Variants in CDH12 observed in about 807,000 individuals in gnomAD.
CDH12 encodes cadherin 12.
Under a neutral mutation model 74.1 loss-of-function variants are expected in CDH12, and 41 were observed. That is an observed-to-expected ratio of 0.55 (90% CI 0.43 to 0.72). CDH12 has a LOEUF of 0.72. Ranked by LOEUF, CDH12 falls within the 30% of genes least tolerant of loss-of-function variation. The pLI, the probability that CDH12 is intolerant of heterozygous loss-of-function variation, is 0.00. For synonymous variants in CDH12, 399 were observed against 355.0 expected, an observed-to-expected ratio of 1.12 and a Z score of -1.39; for missense variants, 945 against 977.2, an observed-to-expected ratio of 0.97 and a Z score of 0.44.
intron 5 of CDH12, among the ~76,000 whole-genome samples, chr5:22,069,671 C>T (rs1741809069): frequency 6.6e-6 from 1 of 152,120 alleles, no homozygotes; most frequent in Admixed American, 6.6e-5. Flanking sequence ...TCCCCTAAAT[C>T]AACAGGTAAG....
chr5:22,713,210 G>A (rs1398264191), intron 1 of CDH12, among the ~76,000 whole-genome samples: 1 of 136,856 alleles, frequency 7.3e-6, no homozygotes, highest in Non-Finnish European at 1.5e-5. Context: ...GTACGATCTC[G>A]GCTCACTGCA....
intron 2 of CDH12, among the ~76,000 whole-genome samples, chr5:22,451,385 G>A (rs1246493846): frequency 6.6e-6 from 1 of 151,818 alleles, no homozygotes; most frequent in Non-Finnish European, 1.5e-5. Context: ...GACCAACCAA[G>A]ATTCATCCCA....
chr5:22,491,335 A>C (rs1746853765), intron 2 of CDH12, among the ~76,000 whole-genome samples: 1 of 152,184 alleles, frequency 6.6e-6, no homozygotes, highest in Admixed American at 6.5e-5. Context: ...TTGCAACTGG[A>C]GGCTGTTATC....
chr5:22,255,948 T>C (rs1252308371), intron 3 of CDH12, among the ~76,000 whole-genome samples: 1 of 152,032 alleles, frequency 6.6e-6, no homozygotes, highest in Non-Finnish European at 1.5e-5. Context: ...GAAATGAATT[T>C]AACCTTTATT....
chr5:22,744,953 T>G (rs1745217959), intron 1 of CDH12, among the ~76,000 whole-genome samples: 1 of 151,874 alleles, frequency 6.6e-6, no homozygotes, highest in African/African-American at 2.4e-5. Flanking sequence ...TATATCTATG[T>G]AGAAAACTTA....
chr5:22,330,325 C>G (rs915096274), intron 3 of CDH12, among the ~76,000 whole-genome samples: 16 of 151,982 alleles, frequency 1.1e-4, no homozygotes, highest in African/African-American at 2.7e-4. Context: ...ACTAAAGAAC[C>G]CTTGGGCCCT....
intron 1 of CDH12, among the ~76,000 whole-genome samples, chr5:22,726,187 C>T (rs1355673031): frequency 2.6e-5 from 4 of 151,750 alleles, no homozygotes; most frequent in African/African-American, 7.2e-5. Flanking sequence ...ATGCTCTGTT[C>T]TCCATGTATT....
intron 4 of CDH12, among the ~76,000 whole-genome samples, chr5:22,092,669 T>C (rs1388909333): frequency 6.6e-6 from 1 of 152,138 alleles, no homozygotes; most frequent in Non-Finnish European, 1.5e-5. Flanking sequence ...GTGGAGCTTT[T>C]TTGGATATTA....
chr5:21,862,004 ACTTAT>A (rs1751072432), intron 6 of CDH12, among the ~76,000 whole-genome samples: 2 of 151,062 alleles, frequency 1.3e-5, no homozygotes, highest in South Asian at 2.1e-4. Flanking sequence ...TAATTTACTA[ACTTAT>A]CTTTATTTGG....
At chr5:22,760,687 A>C (rs1354613005) in intron 1 of CDH12, among the ~76,000 whole-genome samples, 2 of 151,044 alleles carry the variant, frequency 1.3e-5, no homozygotes, top group Admixed American at 6.6e-5. Flanking sequence ...TCAAAAAAAA[A>C]AAAAAAAAAA....
In CDH12 at chr5:21,951,286, T is replaced by A. The variant is rs150292300; in HGVS notation, c.526+23805A>T. ...TATTTTTAGGCGGAGTCTCACTCTG[T>A]TCGCCAAGCTGGAGTGCAGTGGTGC... On this transcript the variant is annotated intron_variant, in intron 6 of 14. Transcript: ENST00000382254. Among the ~76,000 whole-genome samples the A allele has an allele frequency of 4.9e-3, 751 of 152,290 alleles. 3 individuals carry two copies. Among genetic ancestry groups the A allele is most frequent in the African/African-American group, 0.017 (726 of 41,572 alleles).
rs114990942 is a variant in CDH12 at position 21,896,845 on chromosome 5, T to C, written c.527-42055A>G. Among the ~76,000 whole-genome samples the C allele has an allele frequency of 7.7e-3, 1,173 of 152,320 alleles. 12 individuals carry two copies. Among genetic ancestry groups the C allele is most frequent in the African/African-American group, 0.027 (1,125 of 41,562 alleles). ...GCTTATCCCTCTTGAGTTTATTGGC[T>C]TATTTATTCTTATCAGTATAATTTG... On this transcript the variant is annotated intron_variant, in intron 6 of 14. Transcript: ENST00000382254.
At chr5:22,342,371 A>G (rs1287928676) in intron 3 of CDH12, among the ~76,000 whole-genome samples, 1 of 152,220 alleles carries the variant, frequency 6.6e-6, no homozygotes, top group Non-Finnish European at 1.5e-5. Flanking sequence ...AGATTTGAGG[A>G]GAATTATTAA....
At chr5:21,920,528 G>T (rs114438736) in intron 6 of CDH12, among the ~76,000 whole-genome samples, 4,668 of 152,120 alleles carry the variant, frequency 0.031, 213 homozygotes, top group African/African-American at 0.094. Flanking sequence ...GGGCCTGTCA[G>T]GGTGTGGGGG....
intron 6 of CDH12, among the ~76,000 whole-genome samples, chr5:21,943,110 G>C (rs1408716985): frequency 6.6e-6 from 1 of 152,076 alleles, no homozygotes; most frequent in Non-Finnish European, 1.5e-5. Context: ...TGTAAGACGT[G>C]CCTGTTTCCC....
intron 3 of CDH12, among the ~76,000 whole-genome samples, chr5:22,230,950 C>T (rs975001017): frequency 6.6e-6 from 1 of 152,164 alleles, no homozygotes; most frequent in African/African-American, 2.4e-5. Flanking sequence ...AACATGGTCA[C>T]ATTAGGGTGT....
At chr5:22,705,124 TATATATAC>T (rs945672995) in intron 1 of CDH12, among the ~76,000 whole-genome samples, 3 of 95,752 alleles carry the variant, frequency 3.1e-5, no homozygotes, top group African/African-American at 1.4e-4. Flanking sequence ...GTCATATATA[TATATATAC>T]ACACACACAC....
intron 3 of CDH12, among the ~76,000 whole-genome samples, chr5:22,349,743 C>CT (rs902846577): frequency 6.6e-5 from 10 of 151,690 alleles, no homozygotes; most frequent in Admixed American, 1.3e-4. Context: ...TTTAGCTAAT[C>CT]TTTTTTTTTG....
intron 1 of CDH12, among the ~76,000 whole-genome samples, chr5:22,766,579 C>A (rs912379673): frequency 1.3e-5 from 2 of 151,984 alleles, no homozygotes; most frequent in African/African-American, 2.4e-5. Flanking sequence ...GAAAAAGAGA[C>A]CCTGGAACAG....
Sources: gnomAD v4.1 joint callset for allele counts (sites outside exome capture counted in the v4.1 genomes callset) on GRCh38, gnomAD v4.1.1 for gene constraint, MANE v1.5 for transcripts, NCBI Gene and HGNC (gene_info 2026-07-23, HGNC 2026-07-21) for gene names.